CIITA: variants seen among roughly 807,000 people sequenced by gnomAD.
CIITA encodes MHC class II transactivator.
Under a neutral mutation model 115.1 loss-of-function variants are expected in CIITA, and 72 were observed. That is an observed-to-expected ratio of 0.63 (90% confidence interval 0.52 to 0.76). CIITA has a LOEUF of 0.76. CIITA is among the 30% of genes least tolerant of loss of function. The pLI is 0.00. For missense variants in CIITA, 1,617 were observed against 1,463.8 expected (o/e 1.10, Z -1.71); for synonymous variants, 763 against 635.6 (o/e 1.20, Z -3.02).
chr16:10,891,199 G>C (rs2037536321), intron 1 of CIITA, among the ~76,000 whole-genome samples: 3 of 150,926 alleles, frequency 2.0e-5, no homozygotes, highest in African/African-American at 4.9e-5. Context: ...CTTGAGCCCA[G>C]ACAGGACAAG....
At chr16:10,881,180 G>A (rs1199331738) in intron 1 of CIITA, among the ~76,000 whole-genome samples, 1 of 152,116 alleles carries the variant, frequency 6.6e-6, no homozygotes, top group East Asian at 1.9e-4. Flanking sequence ...TTGGGAGGCT[G>A]AGGCACGAGA....
chr16:10,900,065 A>G (rs1258191766), intron 5 of CIITA, among the ~76,000 whole-genome samples: 2 of 152,150 alleles, frequency 1.3e-5, no homozygotes, highest in Admixed American at 6.5e-5. Flanking sequence ...TGGGTGGCAG[A>G]GTAAGACTCT....
intron 1 of CIITA, among the ~76,000 whole-genome samples, chr16:10,872,143 G>T (rs933255464): frequency 1.3e-5 from 2 of 151,654 alleles, no homozygotes; most frequent in African/African-American, 4.8e-5. Flanking sequence ...GGGTGGGGGG[G>T]ACACAGTCTT....
chr16:10,942,070 G>C lies in CIITA; in HGVS notation n.1196G>C, dbSNP rs985352530. ...AACTCAGCCGCTGCGGCGCCCGGGCGGCCGGCGAGGGCACAGCGCAGCCAT... is the reference window on the plus strand; with the variant it reads ...AACTCAGCCGCTGCGGCGCCCGGGCCGCCGGCGAGGGCACAGCGCAGCCAT... On this transcript the variant is annotated non_coding_transcript_exon_variant, in exon 2 of 2. Coordinates refer to the CIITA transcript ENST00000573379. The surrounding 1 kb of genome is among the most constrained non-coding windows in gnomAD (Gnocchi z 5.0). 6.1e-5 allele frequency: 79 copies of C among 1,285,308 alleles called. No homozygotes were observed. The highest frequency in any genetic ancestry group is 7.2e-5 in the Non-Finnish European group (72 of 1,004,352). The allele number at this position is 1,285,308 out of a possible 1,614,324, so 79.6% of individuals were successfully genotyped here. A position where few individuals can be genotyped will look rare whatever the true frequency, so the allele number is the denominator to read the frequency against.
intron 13 of CIITA, among the ~76,000 whole-genome samples, chr16:10,914,563 G>C (rs2039819826): frequency 6.6e-6 from 1 of 152,126 alleles, no homozygotes; most frequent in Non-Finnish European, 1.5e-5. Context: ...CAGAATAAAA[G>C]ACAGCTCTTT....
intron 12 of CIITA, 115 bp downstream of exon 12, chr16:10,909,302 C>A: frequency 9.2e-7 from 1 of 1,091,734 alleles, no homozygotes; most frequent in Non-Finnish European, 1.4e-6. Context: ...TGGGACACCC[C>A]ATGCCCTCTT....
At chr16:10,881,045 G>A (rs544017089) in intron 1 of CIITA, among the ~76,000 whole-genome samples, 7 of 152,236 alleles carry the variant, frequency 4.6e-5, no homozygotes, top group Non-Finnish European at 8.8e-5. Context: ...AGGCCGAGGC[G>A]GGTGGATTGC....
rs2040661873 is a variant in CIITA, at chr16:10,929,110, C to T, written c.*5255C>T. On this transcript the variant is annotated 3_prime_UTR_variant, in exon 20 of 20. Transcript: ENST00000324288. This position sits in a 1 kb window ranked among gnomAD's most constrained non-coding sequence, Gnocchi z 4.3. ...GGAGCGAGAATCCCACCCTCAGCCC[C>T]CCAACAGCTTCCTCAGCTTCTTTTT... The T allele has an allele frequency of 1.4e-6, 1 of 704,542 alleles. No homozygotes were observed. The highest frequency in any genetic ancestry group is 1.7e-6 in the Non-Finnish European group (1 of 573,530). 43.6% of individuals were successfully genotyped at this position (704,542 alleles called of 1,614,324 possible).
In CIITA at chr16:10,908,126, A is replaced by C. The variant is rs1186433133; in HGVS notation, c.2634A>C (p.Gly878=). ...ICPSGLGSLV[G]LSCVTRFRAA... The stretch of plus-strand genomic sequence containing the variant: ...CCTCTGGATTGGGGAGCCTCGTGGG[A>C]CTCAGCTGTGTCACCCGTTTCAGGT... The change falls in exon 11 of 20, where the codon GGA becomes GGC. Residue 878 remains glycine (G), a synonymous_variant. Transcript: ENST00000324288. 3 of 1,577,708 alleles carry C rather than the reference A, an allele frequency of 1.9e-6. No homozygotes were observed. Among genetic ancestry groups the C allele is most frequent in the Non-Finnish European group, 2.6e-6 (3 of 1,161,552 alleles).
At chr16:10,880,534 AC>A (rs2036320456) in intron 1 of CIITA, among the ~76,000 whole-genome samples, 1 of 152,092 alleles carries the variant, frequency 6.6e-6, no homozygotes, top group Non-Finnish European at 1.5e-5. Flanking sequence ...CAGGATTTGA[AC>A]CCTGGTCTAC....
intron 16 of CIITA, among the ~76,000 whole-genome samples, chr16:10,918,737 C>A (rs2040101854): frequency 6.6e-6 from 1 of 152,238 alleles, no homozygotes. Context: ...AAAATGGGAA[C>A]CATCCTAATG....
At chr16:10,888,376 C>T (rs2143964620) in intron 1 of CIITA, 1 of 152,330 alleles carries the variant, frequency 6.6e-6, no homozygotes, top group South Asian at 2.1e-4. Flanking sequence ...CACCCCAAAG[C>T]TCACCATCTG....
rs978815207 is a variant in CIITA, at chr16:10,925,469, G to C, written c.*1614G>C. On this transcript the variant is annotated 3_prime_UTR_variant, in exon 20 of 20. Coordinates refer to ENST00000324288, the MANE Select transcript of CIITA (RefSeq NM_000246.4). Reference sequence around the variant, plus strand: ...CTACAGGTGTGAGTCACCAAGCCCAGTTAATCTTTAGTTTTATTTTTGTAG... The same window carrying C: ...CTACAGGTGTGAGTCACCAAGCCCACTTAATCTTTAGTTTTATTTTTGTAG... 1 of 152,286 alleles carries C rather than the reference G, an allele frequency of 6.6e-6. No homozygotes were observed. The highest frequency in any genetic ancestry group is 6.5e-5 in the Admixed American group (1 of 15,286). 9.4% of individuals were successfully genotyped at this position (152,286 alleles called of 1,614,324 possible). A position where few individuals can be genotyped will look rare whatever the true frequency, so the allele number is the denominator to read the frequency against.
rs1426450696 is a variant in CIITA at position 10,932,851 on chromosome 16, C to CT, written c.*8997dup. The CT allele has an allele frequency of 1.3e-5, 2 of 152,092 alleles. No individual in the cohort carries two copies. The highest frequency in any genetic ancestry group is 3.9e-4 in the East Asian group (2 of 5,174). 9.4% of individuals were successfully genotyped at this position (152,092 alleles called of 1,614,324 possible). A position where few individuals can be genotyped will look rare whatever the true frequency, so the allele number is the denominator to read the frequency against. On this transcript the variant is annotated 3_prime_UTR_variant, in exon 20 of 20. Transcript: ENST00000324288. ...TACAGGCGCATGTCACCATGCCTGG[C>CT]TAATTGATGTATTTTTTAGTAGAGA...
At position 10,928,515 on chromosome 16, in the gene CIITA, T is replaced by C. The variant is rs1257392701; in HGVS notation, c.*4660T>C. The C allele has an allele frequency of 6.6e-6, 1 of 152,314 alleles. No homozygotes were observed. Among genetic ancestry groups the C allele is most frequent in the African/African-American group, 2.4e-5 (1 of 41,460 alleles). The allele number at this position is 152,314 out of a possible 1,614,324, so 9.4% of individuals were successfully genotyped here. On this transcript the variant is annotated 3_prime_UTR_variant, in exon 20 of 20. Transcript: ENST00000324288. The stretch of plus-strand genomic sequence containing the variant: ...CGTGGTGGCCAGGCTGGTCTCGAAC[T>C]CCTAACCTCAAGTGATCTGCCCGCC...
rs1351788962 is a variant in CIITA, at chr16:10,942,008, A to G, written n.1134A>G. On this transcript the variant is annotated non_coding_transcript_exon_variant, in exon 2 of 2. Coordinates refer to the CIITA transcript ENST00000573379. The surrounding 1 kb of genome is among the most constrained non-coding windows in gnomAD (Gnocchi z 5.0). ...GCCGCGACCCGGGCGCCGAGCATGC[A>G]GCGGGTGGCAAGGGCGGCGGCCCGG... 2 of 1,448,936 alleles carry G rather than the reference A, an allele frequency of 1.4e-6. No homozygotes were observed. Among genetic ancestry groups the G allele is most frequent in the Non-Finnish European group, 9.1e-7 (1 of 1,099,566 alleles). The allele number at this position is 1,448,936 out of a possible 1,614,324, so 89.8% of individuals were successfully genotyped here.
intron 1 of CIITA, among the ~76,000 whole-genome samples, chr16:10,889,720 T>C (rs919458865): frequency 6.6e-6 from 1 of 152,112 alleles, no homozygotes; most frequent in Non-Finnish European, 1.5e-5. Flanking sequence ...GATTTCACCA[T>C]GTTGCCCGGG....
chr16:10,923,197 A>G lies in CIITA; in HGVS notation c.3318-31A>G. ...GCCCCAGGCCGCCCTCTCTCCTCTA[A>G]CCTGGCTCTGAGTCCCATCCCCCCT... On this transcript the variant is annotated intron_variant, in intron 18 of 19. Coordinates refer to ENST00000324288, the MANE Select transcript of CIITA (RefSeq NM_000246.4). The surrounding 1 kb of genome is among the most constrained non-coding windows in gnomAD (Gnocchi z 5.2). The G allele has an allele frequency of 6.2e-7, 1 of 1,607,364 alleles. No homozygotes were observed. Among genetic ancestry groups the G allele is most frequent in the Non-Finnish European group, 8.5e-7 (1 of 1,176,636 alleles).
intron 1 of CIITA, among the ~76,000 whole-genome samples, chr16:10,881,799 C>T (rs564382134): frequency 3.1e-4 from 47 of 152,312 alleles, no homozygotes; most frequent in African/African-American, 1.1e-3. Context: ...TCCTCCCAAA[C>T]TGAAACTCTA....
Sources: allele counts gnomAD v4.1 joint callset (sites outside exome capture counted in the v4.1 genomes callset), GRCh38; gene constraint gnomAD v4.1.1; non-coding constraint Gnocchi (gnomAD v3.1); transcripts MANE v1.5; gene names NCBI Gene and HGNC (gene_info 2026-07-23, HGNC 2026-07-21).